Variants in NTRK3 observed in about 807,000 individuals in gnomAD.
NTRK3 encodes the protein NT-3 growth factor receptor.
NTRK3 carries 24 observed loss-of-function variants against 91.7 expected under a neutral mutation model. The observed-to-expected ratio is 0.26, with a 90% CI of 0.19 to 0.37. The LOEUF is 0.37. Ranked by LOEUF, NTRK3 falls within the 10% of genes least tolerant of loss-of-function variation. The probability of loss-of-function intolerance (pLI) is 1.00; values close to 1 mark genes in which losing one functional copy is unlikely to be tolerated. For missense variants in NTRK3, 880 were observed against 1,068.9 expected (o/e 0.82, Z 2.46); for synonymous variants, 483 against 404.0 (o/e 1.20, Z -2.34).
chr15:88,141,683 G>A (rs2042401160), intron 6 of NTRK3, among the ~76,000 whole-genome samples: 1 of 152,254 alleles, frequency 6.6e-6, no homozygotes. Context: ...ACTTGATGCT[G>A]TGCTGCCTCC....
At chr15:88,025,283 T>TA (rs2077940398) in intron 14 of NTRK3, among the ~76,000 whole-genome samples, 1 of 152,362 alleles carries the variant, frequency 6.6e-6, no homozygotes, top group Non-Finnish European at 1.5e-5. Flanking sequence ...GCAAATGAGT[T>TA]AAAAACTTAT....
At position 88,120,741 on chromosome 15, in the gene NTRK3, C is replaced by A. The variant is rs117909560; in HGVS notation, c.1396+5530G>T. On this transcript the variant is annotated intron_variant, in intron 13 of 18. Transcript: ENST00000394480. ...AGCATTCAAAGTTAATTAATCAGAG[C>A]CTTGGAGGGATTGAGCTGATGTATT... is the stretch of plus-strand genomic sequence containing the variant. Among the ~76,000 whole-genome samples, 23 of 152,308 alleles carry A rather than the reference C, an allele frequency of 1.5e-4. No individual in the cohort carries two copies. The East Asian group carries it at 4.4e-3, about 29-fold the overall frequency.
chr15:88,046,668 G>A (rs1158261441), intron 13 of NTRK3, among the ~76,000 whole-genome samples: 2 of 152,090 alleles, frequency 1.3e-5, no homozygotes, highest in Admixed American at 1.3e-4. Context: ...TTCTCAGGGG[G>A]GGTCACCTTC....
intron 13 of NTRK3, among the ~76,000 whole-genome samples, chr15:88,118,994 C>G (rs2052409110): frequency 6.6e-6 from 1 of 152,200 alleles, no homozygotes; most frequent in Non-Finnish European, 1.5e-5. Flanking sequence ...GAAGAGCCAG[C>G]TAGCAGGTAG....
At chr15:88,010,662 A>G (rs1249795200) in intron 14 of NTRK3, among the ~76,000 whole-genome samples, 1 of 152,130 alleles carries the variant, frequency 6.6e-6, no homozygotes, top group Non-Finnish European at 1.5e-5. Flanking sequence ...TAAAATATGC[A>G]TTATATTTTT....
chr15:88,075,910 G>A (rs536857033), intron 13 of NTRK3, among the ~76,000 whole-genome samples: 9 of 152,136 alleles, frequency 5.9e-5, no homozygotes, highest in African/African-American at 1.2e-4. Flanking sequence ...ATAGTCATAC[G>A]TACTTTCTAT....
chr15:87,952,019 C>T (rs1045429907), intron 14 of NTRK3, among the ~76,000 whole-genome samples: 2 of 151,974 alleles, frequency 1.3e-5, no homozygotes, highest in Non-Finnish European at 2.9e-5. Context: ...CCTAGCTACT[C>T]GGGAAGCTGA....
exon 19 of NTRK3, chr15:87,876,201 C>A: frequency 8.6e-6 from 2 of 233,336 alleles, no homozygotes; most frequent in Non-Finnish European, 1.7e-5. Flanking sequence ...GCTGTCAGCT[C>A]TTGTCATGGT....
chr15:87,894,435 G>A (rs2066003607), intron 17 of NTRK3, among the ~76,000 whole-genome samples: 1 of 152,216 alleles, frequency 6.6e-6, no homozygotes, highest in Non-Finnish European at 1.5e-5. Context: ...ATGTGTGTGT[G>A]ACAATGCATG....
chr15:88,229,181 T>C (rs2050952819), intron 3 of NTRK3, among the ~76,000 whole-genome samples: 1 of 152,224 alleles, frequency 6.6e-6, no homozygotes, highest in South Asian at 2.1e-4. Context: ...CAAGCCAGTT[T>C]TCAGTTACTT....
intron 14 of NTRK3, among the ~76,000 whole-genome samples, chr15:87,950,220 G>GC (rs1236846431): frequency 2.0e-5 from 3 of 152,210 alleles, no homozygotes; most frequent in African/African-American, 7.2e-5. Context: ...GCCATGAGAT[G>GC]CAGCTCCATG....
intron 5 of NTRK3, among the ~76,000 whole-genome samples, chr15:88,162,360 C>A (rs147990945): frequency 1.3e-5 from 2 of 152,146 alleles, no homozygotes; most frequent in Non-Finnish European, 2.9e-5. Context: ...ACATGGTAGG[C>A]ACTCAATGGA....
At chr15:88,003,163 C>T (rs2076238634) in intron 14 of NTRK3, among the ~76,000 whole-genome samples, 1 of 152,242 alleles carries the variant, frequency 6.6e-6, no homozygotes. Flanking sequence ...ACTCACTTGT[C>T]TTTTGAAGCA....
Position 87,860,770 on chromosome 15 carries a change from T to A in NTRK3, c.*16165A>T, listed in dbSNP as rs530025441. ...GGATCCAAATGATAGGAAGCAATCA[T>A]GATCAGCACTTTCCAGAAGCCTGGG... On this transcript the variant is annotated 3_prime_UTR_variant, in exon 19 of 19. Coordinates refer to ENST00000394480, the Ensembl canonical transcript of NTRK3. 7 of 211,364 alleles carry A rather than the reference T, an allele frequency of 3.3e-5. No individual in the cohort carries two copies. The East Asian group carries it at 5.0e-4, about 15-fold the overall frequency. The allele number at this position is 211,364 out of a possible 1,614,324, so 13.1% of individuals were successfully genotyped here.
At chr15:88,003,021 A>G (rs1302256237) in intron 14 of NTRK3, among the ~76,000 whole-genome samples, 1 of 152,268 alleles carries the variant, frequency 6.6e-6, no homozygotes, top group Non-Finnish European at 1.5e-5. Context: ...GTGCCAGCAC[A>G]TGAATCTTTG....
At chr15:87,862,840 T>C (rs1165629775) in exon 19 of NTRK3, 1 of 230,114 alleles carries the variant, frequency 4.3e-6, no homozygotes, top group Non-Finnish European at 8.6e-6. Flanking sequence ...ATCAGAGAAG[T>C]GCCCCCAATG....
rs2052342706 is a variant in NTRK3, at chr15:88,241,454, T to G, written c.248+14452A>C. ...GGAGACAGAACATGACCCCGGAAAATGAACCCTAGATGCAAATCAGGGAGT... is the reference window on the plus strand; with the variant it reads ...GGAGACAGAACATGACCCCGGAAAAGGAACCCTAGATGCAAATCAGGGAGT... On this transcript the variant is annotated intron_variant, in intron 3 of 18. Transcript: ENST00000394480. The surrounding 1 kb of genome is among the most constrained non-coding windows in gnomAD (Gnocchi z 4.3). Among the ~76,000 whole-genome samples the G allele has an allele frequency of 6.6e-6, 1 of 151,920 alleles. No individual in the cohort carries two copies. Among genetic ancestry groups the G allele is most frequent in the South Asian group, 2.1e-4 (1 of 4,818 alleles).
At chr15:88,134,419 C>T (rs2041678491) in intron 10 of NTRK3, among the ~76,000 whole-genome samples, 1 of 152,192 alleles carries the variant, frequency 6.6e-6, no homozygotes, top group Admixed American at 6.5e-5. Context: ...AATAATTTTT[C>T]CTGGTCCACT....
chr15:88,142,230 A>T (rs947112830), intron 6 of NTRK3, among the ~76,000 whole-genome samples: 6 of 152,168 alleles, frequency 3.9e-5, no homozygotes, highest in African/African-American at 1.4e-4. Context: ...GCCTTTAGCC[A>T]GGACTTTGGG....
Sources: allele counts gnomAD v4.1 joint callset (sites outside exome capture counted in the v4.1 genomes callset), GRCh38; gene constraint gnomAD v4.1.1; non-coding constraint Gnocchi (gnomAD v3.1); transcripts MANE v1.5; gene names NCBI Gene and HGNC (gene_info 2026-07-23, HGNC 2026-07-21).